The following ZNF814 variants were observed in gnomAD, a reference collection of about 807,000 sequenced individuals.
ZNF814 encodes zinc finger protein 814.
In ZNF814, 5 loss-of-function variants were observed where a neutral mutation model predicts 7.5. That is an observed-to-expected ratio of 0.67 (90% confidence interval 0.35 to 1.40). The LOEUF (loss-of-function observed/expected upper bound fraction) is 1.40, where lower values mean the gene tolerates loss of function less well. Ranked by LOEUF, ZNF814 falls within the 40% of genes most tolerant of loss-of-function variation. The probability of loss-of-function intolerance (pLI) is 0.04; values close to 1 mark genes in which losing one functional copy is unlikely to be tolerated. For synonymous variants in ZNF814, 315 were observed against 340.7 expected, an observed-to-expected ratio of 0.92 and a Z score of 0.83; for missense variants, 962 against 1,018.0, an observed-to-expected ratio of 0.94 and a Z score of 0.75.
chr19:57,885,043 C>T (rs946628052), intron 1 of ZNF814, among the ~76,000 whole-genome samples: 6 of 152,020 alleles, frequency 3.9e-5, no homozygotes, highest in African/African-American at 1.4e-4. Context: ...AAATGTAGGC[C>T]GGACGCAGTG....
chr19:57,890,636 A>G (rs2071730067), upstream of ZNF814, among the ~76,000 whole-genome samples: 1 of 152,126 alleles, frequency 6.6e-6, no homozygotes, highest in African/African-American at 2.4e-5. Flanking sequence ...GTGCCATCAG[A>G]TCCATCAAGT....
rs2071715422 is a variant in ZNF814 at position 57,888,850 on chromosome 19, A to G, written c.-48T>C. On this transcript the variant is annotated 5_prime_UTR_variant, in exon 1 of 3. Coordinates refer to ENST00000435989, the MANE Select transcript of ZNF814 (RefSeq NM_001144989.2). The stretch of plus-strand genomic sequence containing the variant: ...AGTCGGGAGGATAGGGCGACCAGCC[A>G]GGAGATATGGGCACGACGGTCCGTA... The G allele has an allele frequency of 2.6e-6, 4 of 1,549,520 alleles. No homozygotes were observed. Among genetic ancestry groups the G allele is most frequent in the Non-Finnish European group, 3.5e-6 (4 of 1,145,204 alleles).
intron 1 of ZNF814, 99 bp downstream of exon 1, chr19:57,888,668 G>A (rs2071713471): frequency 3.2e-5 from 47 of 1,463,086 alleles, no homozygotes; most frequent in Non-Finnish European, 4.4e-5. Context: ...GTGTCCCAAC[G>A]CCGGCGTCCG....
chr19:57,872,182 G>A lies in ZNF814; in HGVS notation c.*640C>T, dbSNP rs1250413635. ...CCACACACTTGGAACTTTTGCAGAT[G>A]CTCAATAAATGACATTCAATCTAGG... On this transcript the variant is annotated 3_prime_UTR_variant, in exon 3 of 3. Coordinates refer to ENST00000435989, the MANE Select transcript of ZNF814 (RefSeq NM_001144989.2). Among the ~76,000 whole-genome samples, 1 of 152,188 alleles carries A rather than the reference G, an allele frequency of 6.6e-6. No homozygotes were observed. Among genetic ancestry groups the A allele is most frequent in the Admixed American group, 6.6e-5 (1 of 15,266 alleles).
Position 57,888,783 on chromosome 19 carries a change from A to C in ZNF814, c.20T>G (p.Leu7Arg), listed in dbSNP as rs1340761237. 9 of 1,552,324 alleles carry C rather than the reference A, an allele frequency of 5.8e-6. No homozygotes were observed. In the African/African-American group the frequency reaches 1.1e-4, roughly 19 times the overall value. The change falls in exon 1 of 3, where the codon CTG becomes CGG. Residue 7 changes from leucine to arginine, a missense_variant. By Grantham distance (102) the Leu-to-Arg change is moderately radical (BLOSUM62 -2). Transcript: ENST00000435989. MAAAATLRLSAQGTVTF... is the reference protein window; with the variant it reads MAAAATRRLSAQGTVTF... ...CACAATTACCTGAGCGGAGAGCCTC[A>C]GCGTAGCCGCGGCAGCCATCGAACC... is the stretch of plus-strand genomic sequence containing the variant.
upstream of ZNF814, among the ~76,000 whole-genome samples, chr19:57,893,613 C>A (rs2071743597): frequency 6.6e-6 from 1 of 151,820 alleles, no homozygotes; most frequent in Admixed American, 6.6e-5. Context: ...AACATCTCTA[C>A]TAAAAATACA....
rs1193483208 is a variant in ZNF814 at position 57,873,012 on chromosome 19, ACT to A, written c.2376_2377del (p.Arg792SerfsTer9). On this transcript the variant is annotated frameshift_variant, in exon 3 of 3. Transcript: ENST00000435989. LOFTEE classifies it low-confidence loss of function (END_TRUNC). ...CTCATAAGGCTTTTCTCCAGTGTGA[ACT>A]CTTTTGTGTTTTGTGAAACTGGAGC... The A allele has an allele frequency of 5.6e-6, 9 of 1,613,598 alleles. No homozygotes were observed. In the African/African-American group the frequency reaches 1.2e-4, roughly 22 times the overall value.
rs1017978622 is a variant in ZNF814 at position 57,870,758 on chromosome 19, G to C, written c.*2064C>G. The C allele has an allele frequency of 6.6e-6, 1 of 151,956 alleles. No individual in the cohort carries two copies. Among genetic ancestry groups the C allele is most frequent in the African/African-American group, 2.4e-5 (1 of 41,382 alleles). The allele number at this position is 151,956 out of a possible 1,614,324, so 9.4% of individuals were successfully genotyped here. A position where few individuals can be genotyped will look rare whatever the true frequency, so the allele number is the denominator to read the frequency against. On this transcript the variant is annotated 3_prime_UTR_variant, in exon 3 of 3. Coordinates refer to ENST00000435989, the MANE Select transcript of ZNF814 (RefSeq NM_001144989.2). The stretch of plus-strand genomic sequence containing the variant: ...GGACTTTGGGAGGCTGAGGCCAGCA[G>C]ATCACAAGGTCAGGAGTTCGAGACC...
chr19:57,896,749 A>G, the ZNF814 span, among the ~76,000 whole-genome samples: 1 of 152,314 alleles, frequency 6.6e-6, no homozygotes, highest in East Asian at 1.9e-4. This position sits in a 1 kb window ranked among gnomAD's most constrained non-coding sequence, Gnocchi z 4.2. Flanking sequence ...AACTTTACTA[A>G]AAAATGTGGC....
In ZNF814 at chr19:57,873,919, G is replaced by A. The variant is rs750418092; in HGVS notation, c.1471C>T (p.Pro491Ser). ...TTCCCACATTCTCCACACTGATAAG[G>A]TCTTTCTCCACTGTGAACTCGCTGA... Reference protein sequence around the residue: ...HHQRVHSGERPYQCGECGKSF... With the variant: ...HHQRVHSGERSYQCGECGKSF... The change falls in exon 3 of 3, where the codon CCT becomes TCT. Residue 491 changes from proline to serine, a missense_variant. By Grantham distance (74) the Pro-to-Ser change is moderately conservative (BLOSUM62 -1). Transcript: ENST00000435989. 1 of 1,613,732 alleles carries A rather than the reference G, an allele frequency of 6.2e-7. No homozygotes were observed. Among genetic ancestry groups the A allele is most frequent in the Non-Finnish European group, 8.5e-7 (1 of 1,179,880 alleles).
In ZNF814 at chr19:57,872,030, G is replaced by GATCA. The variant is rs1266419078; in HGVS notation, c.*791_*792insTGAT. Among the ~76,000 whole-genome samples, 6 of 151,998 alleles carry GATCA rather than the reference G, an allele frequency of 3.9e-5. No individual in the cohort carries two copies. The highest frequency in any genetic ancestry group is 1.4e-4 in the African/African-American group (6 of 41,390). ...AGGCCGAGGCAACAGAATCACTTAA[G>GATCA]CCCAGATCAAGGGTGCAGTGAAATG... On this transcript the variant is annotated 3_prime_UTR_variant, in exon 3 of 3. Coordinates refer to ENST00000435989, the MANE Select transcript of ZNF814 (RefSeq NM_001144989.2).
chr19:57,872,832 T>C lies in ZNF814; in HGVS notation c.2558A>G (p.Lys853Arg). Residue 853 changes from lysine to arginine, a missense_variant, in exon 3 of 3, where the codon AAA becomes AGA. Around this residue, in one of 7 missense-constraint regions of ZNF814, gnomAD observed 665 missense variants for 551.4 expected, o/e 1.21. Coordinates refer to ENST00000435989, the MANE Select transcript of ZNF814 (RefSeq NM_001144989.2). ...LLVHQSSHWR[K>R]AI ...TGACAATCCTCACACTCATATGGCT[T>C]TTCTCCAGTGTGAACTCTGGTGTAC... The C allele has an allele frequency of 1.9e-6, 3 of 1,612,086 alleles. No homozygotes were observed. The South Asian group carries it at 3.3e-5, about 18-fold the overall frequency.
In ZNF814 at chr19:57,874,028, A is replaced by G; in HGVS notation, c.1362T>C (p.His454=). ...GTCTTTCTCCGGCGTGAACTCGTTG[A>G]TGGCTCCTAAGATGTCCTTCTGAAC... is the stretch of plus-strand genomic sequence containing the variant. The part of the protein sequence containing the change: ...SFSSEGHLRS[H]QRVHAGERPF... The change falls in exon 3 of 3, where the codon CAT becomes CAC. Residue 454 remains histidine (H), a synonymous_variant. Coordinates refer to ENST00000435989, the MANE Select transcript of ZNF814 (RefSeq NM_001144989.2). 2.5e-6 allele frequency: 4 copies of G among 1,612,994 alleles called. No homozygotes were observed. The African/African-American group carries it at 4.0e-5, about 16-fold the overall frequency.
chr19:57,884,287 C>T (rs1231272961), intron 1 of ZNF814, among the ~76,000 whole-genome samples: 1 of 152,136 alleles, frequency 6.6e-6, no homozygotes, highest in Non-Finnish European at 1.5e-5. Context: ...CCTTAATAAT[C>T]CCATTTAAAA....
rs1445229678 is a variant in ZNF814, at chr19:57,874,326, C to T, written c.1064G>A (p.Gly355Glu). 1 of 1,607,052 alleles carries T rather than the reference C, an allele frequency of 6.2e-7. No homozygotes were observed. Among genetic ancestry groups the T allele is most frequent in the Non-Finnish European group, 8.5e-7 (1 of 1,176,494 alleles). The part of the protein sequence containing the change: ...VHTEKKHYEC[G>E]ECGKSFSKYV... ...TTTGCTAAAGGATTTCCCACATTCT[C>T]CACATTCATAATGTTTTTTTTCAGT... Residue 355 changes from glycine (G) to glutamate (E), a missense_variant, in exon 3 of 3, where the codon GGA becomes GAA. Gly to Glu is a moderately conservative substitution (Grantham distance 98, BLOSUM62 -2). Around this residue, in one of 7 missense-constraint regions of ZNF814, gnomAD observed 30 missense variants for 97.6 expected, o/e 0.31. Transcript: ENST00000435989.
Position 57,869,441 on chromosome 19 carries a change from CTACTG to C in ZNF814, c.*3376_*3380del, listed in dbSNP as rs1335622765. 1 of 151,696 alleles carries C rather than the reference CTACTG, an allele frequency of 6.6e-6. No individual in the cohort carries two copies. The highest frequency in any genetic ancestry group is 1.5e-5 in the Non-Finnish European group (1 of 67,968). 9.4% of individuals were successfully genotyped at this position (151,696 alleles called of 1,614,324 possible). On this transcript the variant is annotated 3_prime_UTR_variant, in exon 3 of 3. Coordinates refer to ENST00000435989, the MANE Select transcript of ZNF814 (RefSeq NM_001144989.2). ...AACATTCCAGAAAATGGAAAGTACT[CTACTG>C]TACAGCAAAGTAAATCATTGGTTGT...
At chr19:57,895,279 C>CTT in the ZNF814 span, among the ~76,000 whole-genome samples, 40 of 141,928 alleles carry the variant, frequency 2.8e-4, no homozygotes, top group African/African-American at 9.7e-4. Flanking sequence ...TCTTTTCTTT[C>CTT]TTTTTTTTTT....
upstream of ZNF814, among the ~76,000 whole-genome samples, chr19:57,891,159 C>T (rs1034679536): frequency 2.6e-5 from 4 of 152,154 alleles, no homozygotes; most frequent in Admixed American, 2.6e-4. Flanking sequence ...AATGCCATGG[C>T]AACATCAGGA....
At chr19:57,891,554 T>C (rs150292653), upstream of ZNF814, among the ~76,000 whole-genome samples, 165 of 138,494 alleles carry the variant, frequency 1.2e-3, 1 homozygote, top group East Asian at 4.8e-3. Flanking sequence ...GAAATAACCA[T>C]AAAAATGGGC....
Sources: allele counts gnomAD v4.1 joint callset (sites outside exome capture counted in the v4.1 genomes callset), GRCh38; gene constraint gnomAD v4.1.1; regional missense constraint gnomAD v4.1.1; non-coding constraint Gnocchi (gnomAD v3.1); transcripts MANE v1.5; gene names NCBI Gene and HGNC (gene_info 2026-07-23, HGNC 2026-07-21).